RNGTT: variants seen among roughly 807,000 people sequenced by gnomAD.
RNGTT encodes the protein RNA guanylyltransferase and 5'-phosphatase.
A neutral mutation model predicts 79.3 loss-of-function variants in RNGTT; 33 were observed. The ratio of observed to expected loss-of-function variants is 0.42; its 90% confidence interval spans 0.32 to 0.56. The LOEUF (loss-of-function observed/expected upper bound fraction) is 0.56, where lower values mean the gene tolerates loss of function less well. Ranked by LOEUF, RNGTT falls within the 20% of genes least tolerant of loss-of-function variation. The pLI is 0.17. For synonymous variants in RNGTT, 222 were observed against 235.9 expected, an observed-to-expected ratio of 0.94 and a Z score of 0.54; for missense variants, 497 against 739.1, an observed-to-expected ratio of 0.67 and a Z score of 3.80.
At chr6:88,765,976 CAAGT>C (rs1377197994) in intron 13 of RNGTT, among the ~76,000 whole-genome samples, 1 of 152,098 alleles carries the variant, frequency 6.6e-6, no homozygotes, top group East Asian at 1.9e-4. Flanking sequence ...CTTAGTGCAG[CAAGT>C]AACAGGTAGT....
intron 11 of RNGTT, among the ~76,000 whole-genome samples, chr6:88,829,721 A>AAAAAAAAAC (rs1554221603): frequency 3.5e-5 from 4 of 115,582 alleles, no homozygotes; most frequent in South Asian, 2.8e-4. Flanking sequence ...AAAAAAAAAA[A>AAAAAAAAAC]AAACCAGGGG....
intron 13 of RNGTT, among the ~76,000 whole-genome samples, chr6:88,701,962 T>C (rs1401332455): frequency 6.6e-6 from 1 of 151,876 alleles, no homozygotes; most frequent in Non-Finnish European, 1.5e-5. Flanking sequence ...TCATTTACGA[T>C]AGCCACAAAA....
At chr6:88,672,602 T>G (rs2610721) in intron 14 of RNGTT, among the ~76,000 whole-genome samples, 40,604 of 152,016 alleles carry the variant, frequency 0.27, 9,511 homozygotes, top group African/African-American at 0.63. Flanking sequence ...ATTGGGTACA[T>G]TGTACACTGC....
intron 14 of RNGTT, among the ~76,000 whole-genome samples, chr6:88,674,012 G>T (rs561604370): frequency 6.6e-6 from 1 of 152,330 alleles, no homozygotes; most frequent in African/African-American, 2.4e-5. Context: ...GGATAGCGAG[G>T]GGGGTTTATG....
chr6:88,843,719 C>A (rs1188521299), intron 11 of RNGTT, among the ~76,000 whole-genome samples: 1 of 151,098 alleles, frequency 6.6e-6, no homozygotes. Flanking sequence ...CCGCCACACC[C>A]GGCTAATTTT....
rs1191768122 is a variant in RNGTT at position 88,695,130 on chromosome 6, T to TA, written c.1440-16712dup. ...GGCAATGATTTTTTGAATTTGACCC[T>TA]AAAAGTTCAGGCAACAAAAGCAAAA... On this transcript the variant is annotated intron_variant, in intron 13 of 15. Transcript: ENST00000369485. Among the ~76,000 whole-genome samples the TA allele has an allele frequency of 4.6e-5, 7 of 152,132 alleles. No individual in the cohort carries two copies. The East Asian group carries it at 9.7e-4, about 21-fold the overall frequency.
chr6:88,918,739 T>C (rs966372927), intron 4 of RNGTT, among the ~76,000 whole-genome samples: 1 of 152,186 alleles, frequency 6.6e-6, no homozygotes, highest in African/African-American at 2.4e-5. Context: ...CACAAAGATG[T>C]GCACTATAAA....
At chr6:88,672,172 C>A (rs1279407220) in intron 14 of RNGTT, among the ~76,000 whole-genome samples, 2 of 151,478 alleles carry the variant, frequency 1.3e-5, no homozygotes, top group Admixed American at 6.6e-5. Context: ...AATTAACAGA[C>A]AACCCACAGA....
chr6:88,752,882 T>A (rs1320274380), intron 13 of RNGTT, among the ~76,000 whole-genome samples: 4 of 152,178 alleles, frequency 2.6e-5, no homozygotes, highest in Admixed American at 1.3e-4. Flanking sequence ...ACCTACTATG[T>A]ACCCACAAAA....
intron 15 of RNGTT, among the ~76,000 whole-genome samples, chr6:88,613,424 G>T (rs1424291802): frequency 6.6e-6 from 1 of 152,176 alleles, no homozygotes; most frequent in African/African-American, 2.4e-5. Context: ...TAGAAGAAAA[G>T]ACATTGGCTT....
intron 10 of RNGTT, among the ~76,000 whole-genome samples, chr6:88,844,964 C>T (rs1167407294): frequency 6.6e-6 from 1 of 151,878 alleles, no homozygotes; most frequent in Non-Finnish European, 1.5e-5. Context: ...AATTTCACAT[C>T]TGAATTAAAG....
intron 12 of RNGTT, among the ~76,000 whole-genome samples, chr6:88,794,179 C>G (rs1337633750): frequency 6.6e-6 from 1 of 152,142 alleles, no homozygotes; most frequent in Non-Finnish European, 1.5e-5. Context: ...AGAGACCACT[C>G]CTAACCCACT....
chr6:88,919,922 CAG>C (rs1280053349), intron 4 of RNGTT, among the ~76,000 whole-genome samples: 2 of 151,990 alleles, frequency 1.3e-5, no homozygotes, highest in Non-Finnish European at 2.9e-5. Context: ...ACTCTGACCT[CAG>C]GTGATCCACC....
At chr6:88,726,037 A>G (rs1776890398) in intron 13 of RNGTT, among the ~76,000 whole-genome samples, 1 of 152,136 alleles carries the variant, frequency 6.6e-6, no homozygotes, top group East Asian at 1.9e-4. Flanking sequence ...CAGAGAGTCA[A>G]AGAGAGATAG....
chr6:88,929,945 T>TATATAC (rs1298528689), intron 2 of RNGTT, among the ~76,000 whole-genome samples: 6 of 149,742 alleles, frequency 4.0e-5, no homozygotes, highest in African/African-American at 1.5e-4. Context: ...TACATATGCA[T>TATATAC]ATACACACGT....
In RNGTT at chr6:88,731,227, T is replaced by C. The variant is rs144024066; in HGVS notation, c.1439+38547A>G. On this transcript the variant is annotated intron_variant, in intron 13 of 15. Coordinates refer to ENST00000369485, the MANE Select transcript of RNGTT (RefSeq NM_003800.5). ...AACAAAAAACAAAAAGCTGATGGCA[T>C]CTACATGTGCAGCAAAACAGTAAAC... Among the ~76,000 whole-genome samples, 312 of 152,226 alleles carry C rather than the reference T, an allele frequency of 2.0e-3. 2 individuals are homozygous for C. The highest frequency in any genetic ancestry group is 7.3e-3 in the African/African-American group (305 of 41,520).
chr6:88,854,539 A>G (rs1273414781), intron 8 of RNGTT, among the ~76,000 whole-genome samples: 5 of 152,240 alleles, frequency 3.3e-5, no homozygotes, highest in Non-Finnish European at 7.3e-5. Context: ...GCCAGACTTT[A>G]AATTATCCAG....
chr6:88,677,427 CA>C (rs959158523), intron 14 of RNGTT, among the ~76,000 whole-genome samples: 7 of 151,952 alleles, frequency 4.6e-5, no homozygotes, highest in Non-Finnish European at 1.0e-4. Flanking sequence ...TCAAATTGTA[CA>C]GTTTATTGTT....
chr6:88,670,267 T>A (rs761134532), intron 14 of RNGTT, among the ~76,000 whole-genome samples: 28 of 152,230 alleles, frequency 1.8e-4, no homozygotes, highest in Non-Finnish European at 3.7e-4. Flanking sequence ...AGCATTAGGA[T>A]TTAAAACTCT....
Sources: allele counts gnomAD v4.1 joint callset (sites outside exome capture counted in the v4.1 genomes callset), GRCh38; gene constraint gnomAD v4.1.1; transcripts MANE v1.5; gene names NCBI Gene and HGNC (gene_info 2026-07-23, HGNC 2026-07-21).